CPQ: variants seen among roughly 807,000 people sequenced by gnomAD.
CPQ encodes carboxypeptidase Q, also known as Ser-Met dipeptidase.
Under a neutral mutation model 45.7 loss-of-function variants are expected in CPQ, and 37 were observed. That is an observed-to-expected ratio of 0.81 (90% CI 0.62 to 1.07). The LOEUF is 1.07. CPQ is among the 50% of genes least tolerant of loss of function. The pLI, the probability that CPQ is intolerant of heterozygous loss-of-function variation, is 0.00. For synonymous variants in CPQ, 186 were observed against 205.8 expected, an observed-to-expected ratio of 0.90 and a Z score of 0.82; for missense variants, 537 against 572.9, an observed-to-expected ratio of 0.94 and a Z score of 0.64.
At chr8:96,696,834 A>C (rs1285489937) in intron 1 of CPQ, among the ~76,000 whole-genome samples, 1 of 152,164 alleles carries the variant, frequency 6.6e-6, no homozygotes, top group Non-Finnish European at 1.5e-5. Flanking sequence ...CCAAAACTTA[A>C]TCAGATCAAT....
chr8:96,816,717 A>G (rs1811233053), intron 2 of CPQ, among the ~76,000 whole-genome samples: 3 of 152,176 alleles, frequency 2.0e-5, no homozygotes, highest in Admixed American at 6.5e-5. Flanking sequence ...TTGTATTAGC[A>G]GGCAAGAAAA....
chr8:97,124,624 T>TA (rs1218087398), intron 7 of CPQ, among the ~76,000 whole-genome samples: 3 of 152,182 alleles, frequency 2.0e-5, no homozygotes, highest in South Asian at 2.1e-4. Flanking sequence ...AGCATTAAGA[T>TA]ATCAAGAAAA....
intron 1 of CPQ, among the ~76,000 whole-genome samples, chr8:96,754,591 G>C (rs1223787466): frequency 1.3e-5 from 2 of 151,936 alleles, no homozygotes; most frequent in Non-Finnish European, 2.9e-5. Context: ...AATAACATTT[G>C]CTAAATTTTC....
rs184218877 is a variant in CPQ, at chr8:97,101,339, A to T, written c.1255+35129A>T. Reference sequence around the variant, plus strand: ...GAGATGATAGTGTTGGCTTAAAACAAATTGGGTGGTATGTTCTGCCCACAA... The same window carrying T: ...GAGATGATAGTGTTGGCTTAAAACATATTGGGTGGTATGTTCTGCCCACAA... On this transcript the variant is annotated intron_variant, in intron 7 of 7. Coordinates refer to ENST00000220763, the MANE Select transcript of CPQ (RefSeq NM_016134.4). 3.3e-5 allele frequency among the ~76,000 whole-genome samples: 5 copies of T among 152,118 alleles called. No individual in the cohort carries two copies. The East Asian group carries it at 9.7e-4, about 29-fold the overall frequency.
intron 1 of CPQ, among the ~76,000 whole-genome samples, chr8:96,754,727 T>G (rs1159263243): frequency 6.6e-6 from 1 of 152,076 alleles, no homozygotes; most frequent in Non-Finnish European, 1.5e-5. Context: ...TCTCTTTTAA[T>G]TCTTAAAATA....
chr8:97,086,141 G>A (rs1229348294), intron 7 of CPQ, among the ~76,000 whole-genome samples: 1 of 152,124 alleles, frequency 6.6e-6, no homozygotes, highest in Non-Finnish European at 1.5e-5. Flanking sequence ...CACTTAAAAA[G>A]CCTCCTCCAC....
At chr8:96,957,021 A>G (rs1343138098) in intron 4 of CPQ, among the ~76,000 whole-genome samples, 1 of 152,220 alleles carries the variant, frequency 6.6e-6, no homozygotes, top group Non-Finnish European at 1.5e-5. Context: ...AGATCATTGA[A>G]AATCAGGTCA....
intron 6 of CPQ, among the ~76,000 whole-genome samples, chr8:97,033,646 T>C (rs1304284832): frequency 1.3e-5 from 2 of 152,074 alleles, no homozygotes; most frequent in Non-Finnish European, 2.9e-5. Context: ...TTTGCATTCT[T>C]ATCTGGCAGT....
At chr8:97,064,493 G>A (rs1379890867) in intron 6 of CPQ, among the ~76,000 whole-genome samples, 3 of 152,076 alleles carry the variant, frequency 2.0e-5, no homozygotes, top group Admixed American at 1.3e-4. Context: ...AAATGCCCTG[G>A]GTCTTTCACT....
chr8:96,750,837 C>A lies in CPQ; in HGVS notation c.-34-34027C>A, dbSNP rs140604163. Among the ~76,000 whole-genome samples, 505 of 152,184 alleles carry A rather than the reference C, an allele frequency of 3.3e-3. 7 individuals are homozygous for A. Among genetic ancestry groups the A allele is most frequent in the African/African-American group, 0.012 (480 of 41,540 alleles). On this transcript the variant is annotated intron_variant, in intron 1 of 7. Coordinates refer to ENST00000220763, the MANE Select transcript of CPQ (RefSeq NM_016134.4). The stretch of plus-strand genomic sequence containing the variant: ...ATATGTGTTGTTTCCCCCAGTGTGT[C>A]CATGTGCTCTCATCATTCAGCTCCC...
At position 96,702,385 on chromosome 8, in the gene CPQ, G is replaced by C. The variant is rs571672820; in HGVS notation, c.-35+56983G>C. Among the ~76,000 whole-genome samples, 10 of 152,302 alleles carry C rather than the reference G, an allele frequency of 6.6e-5. No individual in the cohort carries two copies. In the South Asian group the frequency reaches 2.1e-3, roughly 32 times the overall value. ...GCAAGGAAGATGAGGAAGAAAAGGG[G>C]TGGGTAGAGAAAGGGAGAATAAGAG... On this transcript the variant is annotated intron_variant, in intron 1 of 7. Transcript: ENST00000220763.
intron 7 of CPQ, among the ~76,000 whole-genome samples, chr8:97,101,746 A>G (rs1349962079): frequency 6.6e-6 from 1 of 151,912 alleles, no homozygotes; most frequent in African/African-American, 2.4e-5. Flanking sequence ...TAGTTCTACG[A>G]AAGTTTCAAA....
At chr8:96,909,434 G>A (rs1269437029) in intron 4 of CPQ, among the ~76,000 whole-genome samples, 1 of 152,100 alleles carries the variant, frequency 6.6e-6, no homozygotes, top group Admixed American at 6.6e-5. Context: ...TCTGTTACAG[G>A]CATTGGTCAG....
chr8:96,831,589 G>C (rs1691664922), intron 2 of CPQ, among the ~76,000 whole-genome samples: 1 of 151,974 alleles, frequency 6.6e-6, no homozygotes, highest in Non-Finnish European at 1.5e-5. Context: ...AATATGGAAG[G>C]GTAAAATTTT....
intron 3 of CPQ, among the ~76,000 whole-genome samples, chr8:96,859,222 G>A (rs777633210): frequency 6.6e-6 from 1 of 152,182 alleles, no homozygotes; most frequent in Non-Finnish European, 1.5e-5. Flanking sequence ...TCAGAAGCAT[G>A]GCCCTCCAGG....
chr8:96,985,121 T>A (rs893091415), intron 5 of CPQ, among the ~76,000 whole-genome samples: 1 of 152,200 alleles, frequency 6.6e-6, no homozygotes, highest in African/African-American at 2.4e-5. Flanking sequence ...ATTTTATTTT[T>A]TCTGGCTCTT....
At chr8:96,944,198 C>T (rs1200859706) in intron 4 of CPQ, among the ~76,000 whole-genome samples, 2 of 152,012 alleles carry the variant, frequency 1.3e-5, no homozygotes, top group Non-Finnish European at 2.9e-5. Context: ...GGAGTTCTGT[C>T]TATGATCAAA....
chr8:96,664,289 GA>G (rs755010314), intron 1 of CPQ, among the ~76,000 whole-genome samples: 1 of 152,148 alleles, frequency 6.6e-6, no homozygotes, highest in Non-Finnish European at 1.5e-5. Context: ...ACTGGGACAG[GA>G]GCTCAGAATG....
At chr8:96,806,180 GTGTT>G (rs1293491077) in intron 2 of CPQ, among the ~76,000 whole-genome samples, 3 of 152,150 alleles carry the variant, frequency 2.0e-5, no homozygotes, top group Non-Finnish European at 2.9e-5. Flanking sequence ...GTTTGGCTGT[GTGTT>G]TGTCTTCTTG....
Sources: gnomAD v4.1 joint callset for allele counts (sites outside exome capture counted in the v4.1 genomes callset) on GRCh38, gnomAD v4.1.1 for gene constraint, MANE v1.5 for transcripts, NCBI Gene and HGNC (gene_info 2026-07-23, HGNC 2026-07-21) for gene names.